Variants in REDIC1 observed in about 807,000 individuals in gnomAD.
REDIC1 encodes regulator of DNA class I crossover intermediates 1.
chr12:39,631,996 T>C, the REDIC1 span, among the ~76,000 whole-genome samples: 3 of 151,930 alleles, frequency 2.0e-5, no homozygotes, highest in African/African-American at 4.8e-5. Context: ...ATAACTGATA[T>C]AAAGAACTGT....
At chr12:39,895,770 GTATATGCGTGTATACGTACACAC>G in the REDIC1 span, among the ~76,000 whole-genome samples, 2 of 56,834 alleles carry the variant, frequency 3.5e-5, 1 homozygote, top group East Asian at 9.9e-4. Context: ...GTACACACAT[GTATATGCGTGTATACGTACACAC>G]ATGTATATGC....
the REDIC1 span, among the ~76,000 whole-genome samples, chr12:39,712,247 C>T: frequency 2.9e-5 from 4 of 139,704 alleles, no homozygotes; most frequent in African/African-American, 8.0e-5. Flanking sequence ...TGTATATGTA[C>T]ATACATATAT....
At chr12:39,690,388 A>G in the REDIC1 span, among the ~76,000 whole-genome samples, 1 of 152,096 alleles carries the variant, frequency 6.6e-6, no homozygotes, top group Non-Finnish European at 1.5e-5. Flanking sequence ...TAACATGGGA[A>G]CGTATTCACC....
the REDIC1 span, among the ~76,000 whole-genome samples, chr12:39,852,348 T>A: frequency 6.6e-6 from 1 of 152,230 alleles, no homozygotes; most frequent in Non-Finnish European, 1.5e-5. Context: ...TAATCAGTTG[T>A]AAGACTAAAA....
At chr12:39,732,685 G>A in the REDIC1 span, among the ~76,000 whole-genome samples, 1 of 152,166 alleles carries the variant, frequency 6.6e-6, no homozygotes, top group Non-Finnish European at 1.5e-5. Context: ...TAGGCTCTCT[G>A]TCATCCTCTG....
the REDIC1 span, among the ~76,000 whole-genome samples, chr12:39,717,163 C>T: frequency 7.4e-6 from 1 of 134,644 alleles, no homozygotes; most frequent in African/African-American, 3.7e-5. Context: ...TACACACATA[C>T]ACACACACAC....
At chr12:39,845,109 T>C in the REDIC1 span, among the ~76,000 whole-genome samples, 2 of 152,126 alleles carry the variant, frequency 1.3e-5, no homozygotes, top group South Asian at 2.1e-4. Flanking sequence ...AACTTGAAAT[T>C]TGAATATCTA....
the REDIC1 span, among the ~76,000 whole-genome samples, chr12:39,796,252 G>A: frequency 1.2e-3 from 180 of 152,018 alleles, no homozygotes; most frequent in Admixed American, 3.3e-3. Flanking sequence ...ACTGATCTGA[G>A]TGTGACCATG....
chr12:39,900,425 A>G, the REDIC1 span, among the ~76,000 whole-genome samples: 7 of 152,134 alleles, frequency 4.6e-5, no homozygotes, highest in Non-Finnish European at 7.4e-5. Flanking sequence ...ACATGATCGT[A>G]TATCTAGAAA....
the REDIC1 span, among the ~76,000 whole-genome samples, chr12:39,740,199 C>T: frequency 6.6e-6 from 1 of 152,174 alleles, no homozygotes; most frequent in Non-Finnish European, 1.5e-5. Flanking sequence ...CAATAACTAG[C>T]TGATATGCCA....
chr12:39,747,086 G>A, the REDIC1 span, among the ~76,000 whole-genome samples: 1 of 152,224 alleles, frequency 6.6e-6, no homozygotes, highest in East Asian at 1.9e-4. Flanking sequence ...GAATGACTTT[G>A]ACAAGTTGAG....
chr12:39,731,831 C>CTTTT, the REDIC1 span, among the ~76,000 whole-genome samples: 2 of 144,272 alleles, frequency 1.4e-5, no homozygotes, highest in Non-Finnish European at 3.0e-5. Context: ...TGCTGCCTTT[C>CTTTT]TTTTTTTTTT....
the REDIC1 span, among the ~76,000 whole-genome samples, chr12:39,805,303 T>A: frequency 6.6e-6 from 1 of 152,146 alleles, no homozygotes; most frequent in African/African-American, 2.4e-5. Context: ...GCTGCTCTGC[T>A]TTGCAGGGAG....
chr12:39,730,727 A>G, the REDIC1 span, among the ~76,000 whole-genome samples: 1 of 152,048 alleles, frequency 6.6e-6, no homozygotes. Flanking sequence ...GTTCTCCTGG[A>G]TAATATCCTG....
the REDIC1 span, among the ~76,000 whole-genome samples, chr12:39,705,133 A>G: frequency 3.9e-5 from 6 of 151,966 alleles, no homozygotes; most frequent in African/African-American, 9.7e-5. Context: ...AAAAAGGAAC[A>G]TAATAGCTTA....
At chr12:39,669,602 G>C in the REDIC1 span, among the ~76,000 whole-genome samples, 2 of 152,202 alleles carry the variant, frequency 1.3e-5, no homozygotes, top group Non-Finnish European at 2.9e-5. Context: ...ACATTTAAGT[G>C]TGCAGAGGAT....
At chr12:39,759,762 G>T in the REDIC1 span, 27 of 391,634 alleles carry the variant, frequency 6.9e-5, no homozygotes, top group South Asian at 8.3e-4. Context: ...ATTCATTTTA[G>T]ACTATTTCAG....
chr12:39,635,653 G>A, the REDIC1 span, among the ~76,000 whole-genome samples: 1 of 151,642 alleles, frequency 6.6e-6, no homozygotes, highest in African/African-American at 2.4e-5. Flanking sequence ...GTGGGCGGGG[G>A]GCTGGGGGAG....
the REDIC1 span, among the ~76,000 whole-genome samples, chr12:39,734,755 A>G: frequency 1.3e-5 from 2 of 152,194 alleles, no homozygotes; most frequent in Admixed American, 6.5e-5. Context: ...TGCCAATATC[A>G]TACTATCTTG....
Sources: gnomAD v4.1 joint callset for allele counts (sites outside exome capture counted in the v4.1 genomes callset) on GRCh38, gnomAD v4.1.1 for gene constraint, MANE v1.5 for transcripts, NCBI Gene and HGNC (gene_info 2026-07-23, HGNC 2026-07-21) for gene names.